The following TRIP12 variants were observed in gnomAD, a reference collection of about 807,000 sequenced individuals.
TRIP12 encodes thyroid hormone receptor interactor 12.
A neutral mutation model predicts 244.2 loss-of-function variants in TRIP12; 25 were observed. The ratio of observed to expected loss-of-function variants is 0.10; its 90% CI spans 0.07 to 0.14. The LOEUF (loss-of-function observed/expected upper bound fraction) is 0.14. Among genes scored for constraint, TRIP12 ranks in the 10% least tolerant of loss-of-function variants. The pLI, the probability that TRIP12 is intolerant of heterozygous loss-of-function variation, is 1.00. For synonymous variants in TRIP12, 905 were observed against 873.1 expected (o/e 1.04, Z -0.64); for missense variants, 1,677 against 2,486.4 (o/e 0.67, Z 6.92).
At chr2:229,868,831 C>T (rs142434495) in intron 2 of TRIP12, among the ~76,000 whole-genome samples, 1 of 152,296 alleles carries the variant, frequency 6.6e-6, no homozygotes, top group African/African-American at 2.4e-5. Context: ...AACGTATAAA[C>T]ATCCTATGAC....
At chr2:229,851,186 T>C (rs1338051488) in intron 4 of TRIP12, among the ~76,000 whole-genome samples, 2 of 152,220 alleles carry the variant, frequency 1.3e-5, no homozygotes, top group Non-Finnish European at 2.9e-5. Context: ...CTCCTGAGTC[T>C]GGTGGGGACG....
intron 36 of TRIP12, among the ~76,000 whole-genome samples, 178 bp from the exon 37 acceptor site, chr2:229,777,657 G>A (rs1281077192): frequency 2.0e-5 from 3 of 152,122 alleles, no homozygotes; most frequent in African/African-American, 7.2e-5. Context: ...TTGATTTGGG[G>A]CTCTAAATGC....
chr2:229,892,279 C>T (rs375753034), intron 1 of TRIP12, among the ~76,000 whole-genome samples: 10 of 152,178 alleles, frequency 6.6e-5, no homozygotes, highest in African/African-American at 2.2e-4. Context: ...ACATTTTAAG[C>T]TGAGACTCAA....
At chr2:229,881,962 C>G (rs969362453) in intron 1 of TRIP12, among the ~76,000 whole-genome samples, 3 of 152,206 alleles carry the variant, frequency 2.0e-5, no homozygotes, top group African/African-American at 7.2e-5. Context: ...AGGAATTAAA[C>G]AGGCTGCTCT....
intron 21 of TRIP12, among the ~76,000 whole-genome samples, chr2:229,799,969 CTTTAAATAG>C (rs2043856127): frequency 6.6e-6 from 1 of 152,110 alleles, no homozygotes; most frequent in African/African-American, 2.4e-5. Context: ...ATGTGTTCCA[CTTTAAATAG>C]TAGTATATAA....
At chr2:229,890,078 CT>C (rs2066955427) in intron 1 of TRIP12, among the ~76,000 whole-genome samples, 1 of 110,042 alleles carries the variant, frequency 9.1e-6, no homozygotes, top group African/African-American at 3.3e-5. Flanking sequence ...CAGAGGTTAA[CT>C]CTTTTTTTTT....
intron 1 of TRIP12, among the ~76,000 whole-genome samples, chr2:229,896,093 G>GA (rs1004768879): frequency 6.6e-6 from 1 of 152,072 alleles, no homozygotes; most frequent in Non-Finnish European, 1.5e-5. Flanking sequence ...CAGCAGAAAA[G>GA]AAGTGGCCCA....
chr2:229,890,863 C>G (rs1257663013), intron 1 of TRIP12, among the ~76,000 whole-genome samples: 6 of 152,150 alleles, frequency 3.9e-5, no homozygotes, highest in African/African-American at 1.4e-4. Flanking sequence ...CTATATTGAG[C>G]CAGAATACGT....
chr2:229,800,692 A>G (rs886570972), intron 21 of TRIP12, among the ~76,000 whole-genome samples: 3 of 152,206 alleles, frequency 2.0e-5, no homozygotes, highest in African/African-American at 7.2e-5. Context: ...GAAAAAAGTT[A>G]TTTTCTCTTT....
chr2:229,793,311 T>C, intron 26 of TRIP12, 166 bp from the exon 27 acceptor site: 1 of 646,252 alleles, frequency 1.5e-6, no homozygotes. Flanking sequence ...TCAAGTTATT[T>C]AGAAAAAATT....
chr2:229,837,682 G>A (rs2055197609), intron 5 of TRIP12, among the ~76,000 whole-genome samples: 1 of 151,958 alleles, frequency 6.6e-6, no homozygotes, highest in Non-Finnish European at 1.5e-5. Context: ...AAGGGAGGAG[G>A]AGGAGATGGA....
chr2:229,789,918 C>G (rs192835788), intron 30 of TRIP12, among the ~76,000 whole-genome samples, 156 bp from the exon 31 acceptor site: 8 of 152,262 alleles, frequency 5.3e-5, no homozygotes, highest in African/African-American at 1.9e-4. Flanking sequence ...ACAATCTTCC[C>G]ATTTTATCTT....
intron 1 of TRIP12, among the ~76,000 whole-genome samples, chr2:229,890,726 T>C (rs895305661): frequency 4.6e-5 from 7 of 152,216 alleles, no homozygotes; most frequent in African/African-American, 1.2e-4. Context: ...CCTAAATTCA[T>C]TTAGAATGTC....
intron 1 of TRIP12, among the ~76,000 whole-genome samples, chr2:229,888,373 C>T (rs1310570970): frequency 2.0e-5 from 3 of 151,872 alleles, no homozygotes; most frequent in African/African-American, 7.3e-5. Flanking sequence ...TCTATTTTCT[C>T]TATGAAAAAC....
At chr2:229,787,363 A>G (rs1182411153) in intron 33 of TRIP12, 142 bp downstream of exon 33, 5 of 753,890 alleles carry the variant, frequency 6.6e-6, no homozygotes, top group African/African-American at 3.6e-5. Flanking sequence ...CCCAGTTCCA[A>G]GAGACTGAAA....
In TRIP12 at chr2:229,815,131, C is replaced by T; in HGVS notation, c.1699G>A (p.Val567Ile). ...AAAAAGACAGGAATAGCATCTACTACAACAGCAGAAGATCGAGGAAGTGCT... is the reference window on the plus strand; with the variant it reads ...AAAAAGACAGGAATAGCATCTACTATAACAGCAGAAGATCGAGGAAGTGCT... ...MEALPRSSAVVVDAIPVFLEK... is the reference protein window; with the variant it reads ...MEALPRSSAVIVDAIPVFLEK... Residue 567 changes from valine to isoleucine, a missense_variant, in exon 11 of 42, where the codon GTA becomes ATA. Val to Ile is a conservative substitution (Grantham distance 29). This residue lies in a region of TRIP12 where 572 missense variants were observed against 867.8 expected (regional missense o/e 0.66). Coordinates refer to ENST00000675903, the MANE Select transcript of TRIP12 (RefSeq NM_001348323.3). 1 of 1,612,942 alleles carries T rather than the reference C, an allele frequency of 6.2e-7. No individual in the cohort carries two copies.
At chr2:229,896,413 G>A (rs2068840019) in intron 1 of TRIP12, among the ~76,000 whole-genome samples, 1 of 151,992 alleles carries the variant, frequency 6.6e-6, no homozygotes, top group African/African-American at 2.4e-5. Context: ...TGAGGCAGGT[G>A]GATCACCTGA....
intron 2 of TRIP12, 93 bp from the exon 3 acceptor site, chr2:229,860,624 T>C: frequency 8.5e-7 from 1 of 1,174,574 alleles, no homozygotes; most frequent in Non-Finnish European, 1.1e-6. Flanking sequence ...TTCTTAAAGC[T>C]TCCCACAATT....
At chr2:229,882,011 T>C (rs192663372) in intron 1 of TRIP12, among the ~76,000 whole-genome samples, 71 of 152,352 alleles carry the variant, frequency 4.7e-4, no homozygotes, top group Non-Finnish European at 8.2e-4. Context: ...CAAGTCAAAC[T>C]GTCTCTGCCC....
Sources: gnomAD v4.1 joint callset for allele counts (sites outside exome capture counted in the v4.1 genomes callset) on GRCh38, gnomAD v4.1.1 for gene constraint, gnomAD v4.1.1 regional missense constraint, MANE v1.5 for transcripts, NCBI Gene and HGNC (gene_info 2026-07-23, HGNC 2026-07-21) for gene names.